The following GRIP1 variants were observed in gnomAD, a reference collection of about 807,000 sequenced individuals.
The protein encoded by GRIP1 is glutamate receptor-interacting protein 1.
GRIP1 carries 45 observed loss-of-function variants against 129.9 expected under a neutral mutation model. That is an observed-to-expected ratio of 0.35 (90% CI 0.27 to 0.44). The LOEUF (loss-of-function observed/expected upper bound fraction) is 0.44. Among genes scored for constraint, GRIP1 ranks in the 20% least tolerant of loss-of-function variants. The pLI, the probability that GRIP1 is intolerant of heterozygous loss-of-function variation, is 1.00. For missense variants in GRIP1, 1,196 were observed against 1,396.8 expected (o/e 0.86, Z 2.29); for synonymous variants, 530 against 520.8 (o/e 1.02, Z -0.24).
chr12:66,526,164 A>G (rs1293071351), intron 5 of GRIP1, among the ~76,000 whole-genome samples: 2 of 151,296 alleles, frequency 1.3e-5, no homozygotes, highest in Non-Finnish European at 3.0e-5. Context: ...TCTTCACAGA[A>G]TTGGAAAAAA....
chr12:66,566,977 T>A (rs1254252523), intron 2 of GRIP1, among the ~76,000 whole-genome samples: 2 of 152,210 alleles, frequency 1.3e-5, no homozygotes, highest in Non-Finnish European at 2.9e-5. Flanking sequence ...TCAGTGGTGA[T>A]ATCCCCTTTA....
intron 1 of GRIP1, among the ~76,000 whole-genome samples, chr12:66,938,727 G>C (rs575905135): frequency 2.6e-5 from 4 of 152,084 alleles, no homozygotes; most frequent in African/African-American, 9.6e-5. Context: ...GGGAGGCCAA[G>C]GCGGGCAGAT....
chr12:66,455,322 A>G, intron 11 of GRIP1, 87 bp downstream of exon 11: 1 of 1,231,382 alleles, frequency 8.1e-7, no homozygotes, highest in South Asian at 1.2e-5. Context: ...ACTGTGAAAC[A>G]CTCTTCCCAC....
chr12:66,822,482 C>T (rs1021698923), intron 1 of GRIP1, among the ~76,000 whole-genome samples: 5 of 152,122 alleles, frequency 3.3e-5, no homozygotes, highest in African/African-American at 4.8e-5. Context: ...CCTTTTGACC[C>T]GGCAATCCCA....
upstream of GRIP1, among the ~76,000 whole-genome samples, chr12:66,679,444 CAA>C (rs10691128): frequency 1.1e-4 from 13 of 117,428 alleles, no homozygotes; most frequent in East Asian, 2.6e-4. Flanking sequence ...AAACAACAAC[CAA>C]AAAAAAAAAA....
At chr12:66,815,850 T>C (rs146382124) in intron 1 of GRIP1, among the ~76,000 whole-genome samples, 488 of 65,412 alleles carry the variant, frequency 7.5e-3, no homozygotes, top group Non-Finnish European at 0.012. Context: ...CTTTCTTTCT[T>C]TCTTTCTCTC....
chr12:66,616,484 G>A (rs890829433), intron 1 of GRIP1, among the ~76,000 whole-genome samples: 1 of 152,092 alleles, frequency 6.6e-6, no homozygotes, highest in African/African-American at 2.4e-5. Flanking sequence ...ACATGTGCAT[G>A]CAAATAATGG....
intron 1 of GRIP1, among the ~76,000 whole-genome samples, chr12:66,967,995 T>A (rs747501092): frequency 3.3e-5 from 5 of 152,154 alleles, no homozygotes; most frequent in Non-Finnish European, 7.4e-5. Flanking sequence ...TCCTTACTGA[T>A]TTTCTGCTGG....
intron 1 of GRIP1, among the ~76,000 whole-genome samples, chr12:66,787,437 T>C (rs1377313988): frequency 1.3e-5 from 2 of 152,146 alleles, no homozygotes; most frequent in Admixed American, 6.6e-5. Flanking sequence ...AGTCCACCAG[T>C]GCTATGAGTT....
At chr12:66,603,967 A>T (rs1365304183) in intron 1 of GRIP1, among the ~76,000 whole-genome samples, 1 of 152,256 alleles carries the variant, frequency 6.6e-6, no homozygotes, top group Non-Finnish European at 1.5e-5. Flanking sequence ...CCCCTTAGCT[A>T]GTAAAGGTCA....
intron 1 of GRIP1, among the ~76,000 whole-genome samples, chr12:66,870,112 C>G (rs908664614): frequency 6.6e-6 from 1 of 152,026 alleles, no homozygotes. Flanking sequence ...CTCTGGGTGA[C>G]AAAATGATCT....
At chr12:66,932,468 G>T (rs1200316423) in intron 1 of GRIP1, among the ~76,000 whole-genome samples, 3 of 152,084 alleles carry the variant, frequency 2.0e-5, no homozygotes, top group African/African-American at 7.2e-5. Flanking sequence ...TTACACAAGG[G>T]ATTCACTGAA....
At chr12:66,580,742 A>G (rs2063342898) in intron 2 of GRIP1, among the ~76,000 whole-genome samples, 2 of 151,488 alleles carry the variant, frequency 1.3e-5, no homozygotes, top group African/African-American at 4.9e-5. Flanking sequence ...ATACAGGAGC[A>G]CCCAGATTCA....
intron 1 of GRIP1, among the ~76,000 whole-genome samples, chr12:66,946,772 G>T (rs1450411656): frequency 4.2e-5 from 4 of 95,126 alleles, no homozygotes; most frequent in Non-Finnish European, 5.8e-5. Flanking sequence ...GGGTCGGGGG[G>T]TGGGGTGGGG....
chr12:66,472,397 A>G (rs2059463378), intron 7 of GRIP1, among the ~76,000 whole-genome samples: 2 of 152,164 alleles, frequency 1.3e-5, no homozygotes, highest in South Asian at 4.1e-4. Flanking sequence ...AATATATTCT[A>G]TTGAATCTCA....
intron 1 of GRIP1, among the ~76,000 whole-genome samples, chr12:66,868,785 T>C (rs1297962762): frequency 6.6e-6 from 1 of 152,138 alleles, no homozygotes; most frequent in African/African-American, 2.4e-5. Flanking sequence ...CTCGGTCTAA[T>C]TGACATATTG....
chr12:66,486,607 C>T (rs191864595), intron 7 of GRIP1, among the ~76,000 whole-genome samples: 1 of 152,218 alleles, frequency 6.6e-6, no homozygotes, highest in African/African-American at 2.4e-5. Context: ...TGCCTGTTGC[C>T]ATCCACTTAA....
chr12:66,806,859 T>C (rs537095248), upstream of GRIP1, among the ~76,000 whole-genome samples: 3 of 152,146 alleles, frequency 2.0e-5, no homozygotes, highest in African/African-American at 4.8e-5. Flanking sequence ...TCTGTAATGA[T>C]AGAATTTTTA....
intron 5 of GRIP1, among the ~76,000 whole-genome samples, chr12:66,524,611 T>G (rs12423792): frequency 0.053 from 7,979 of 151,524 alleles, 285 homozygotes; most frequent in South Asian, 0.13. Context: ...ACATCACAAT[T>G]AAAAGAACTA....
Sources: gnomAD v4.1 joint callset for allele counts (sites outside exome capture counted in the v4.1 genomes callset) on GRCh38, gnomAD v4.1.1 for gene constraint, MANE v1.5 for transcripts, NCBI Gene and HGNC (gene_info 2026-07-23, HGNC 2026-07-21) for gene names.